MRPL16: variants seen among roughly 807,000 people sequenced by gnomAD.
MRPL16 encodes mitochondrial ribosomal protein L16.
In MRPL16, 17 loss-of-function variants were observed where a neutral mutation model predicts 22.7. That is an observed-to-expected ratio of 0.75 (90% CI 0.51 to 1.12). The LOEUF is 1.12. Among genes scored for constraint, MRPL16 ranks in the 50% most tolerant of loss-of-function variants. The probability of loss-of-function intolerance (pLI) is 0.00; values close to 1 mark genes in which losing one functional copy is unlikely to be tolerated. For missense variants in MRPL16, 316 were observed against 328.7 expected (o/e 0.96, Z 0.30); for synonymous variants, 103 against 112.8 (o/e 0.91, Z 0.55).
intron 3 of MRPL16, 139 bp downstream of exon 3, chr11:59,807,562 G>T: frequency 1.1e-6 from 1 of 920,392 alleles, no homozygotes; most frequent in Non-Finnish European, 1.6e-6. Flanking sequence ...AGTAGCCTCT[G>T]TACATACCAG....
chr11:59,810,600 T>A lies in MRPL16; in HGVS notation c.55+4A>T. Reference sequence around the variant, plus strand: ...GTCTTTAGGAACCAAAAGGGACTTCTGACCTGACAAGGGCACCCGCAGGAG... The same window carrying A: ...GTCTTTAGGAACCAAAAGGGACTTCAGACCTGACAAGGGCACCCGCAGGAG... On this transcript the variant is annotated splice_donor_region_variant and intron_variant, in intron 1 of 3. Transcript: ENST00000300151. The A allele has an allele frequency of 1.2e-6, 2 of 1,614,150 alleles. No individual in the cohort carries two copies. The highest frequency in any genetic ancestry group is 4.5e-5 in the East Asian group (2 of 44,874).
intron 1 of MRPL16, 73 bp downstream of exon 1, chr11:59,810,531 T>G: frequency 6.2e-7 from 1 of 1,600,930 alleles, no homozygotes; most frequent in Non-Finnish European, 8.5e-7. Context: ...CCTTTTGGGT[T>G]AGGGAGAAAA....
chr11:59,806,737 C>T lies in MRPL16; in HGVS notation c.366G>A (p.Trp122Ter), dbSNP rs2135065048. The change falls in exon 4 of 4, where the codon TGG becomes TGA. Residue 122 changes from tryptophan (W) to a stop codon, truncating the protein, a stop_gained. Coordinates refer to ENST00000300151, the MANE Select transcript of MRPL16 (RefSeq NM_017840.4). LOFTEE classifies it high-confidence loss of function. ...SMDPKNMFAIWRVPAPFKPIT... is the reference protein window; with the variant it reads ...SMDPKNMFAI ...TGGGCTTGAAAGGGGCTGGTACTCG[C>T]CATATGGCAAACATGTTCTTGGGGT... 6.2e-7 allele frequency: 1 copy of T among 1,614,206 alleles called. No individual in the cohort carries two copies. Among genetic ancestry groups the T allele is most frequent in the East Asian group, 2.2e-5 (1 of 44,880 alleles).
intron 1 of MRPL16, chr11:59,810,215 GC>G: frequency 3.1e-6 from 3 of 969,406 alleles, no homozygotes; most frequent in East Asian, 4.7e-5. Flanking sequence ...CACCATGTTG[GC>G]CAGGCTGGTT....
chr11:59,810,712 G>A lies in MRPL16; in HGVS notation c.-54C>T, dbSNP rs533458293. The A allele has an allele frequency of 5.8e-4, 934 of 1,606,394 alleles. 17 individuals carry two copies. In the South Asian group the frequency reaches 6.8e-3, roughly 12 times the overall value. ...CCCCCAGCGACTCCGGCTGTCTCCT[G>A]CACCCAGGTAAGCAGCGGCGCTCCA... is the stretch of plus-strand genomic sequence containing the variant. On this transcript the variant is annotated 5_prime_UTR_variant, in exon 1 of 4. Coordinates refer to ENST00000300151, the MANE Select transcript of MRPL16 (RefSeq NM_017840.4).
chr11:59,810,154 C>T, intron 1 of MRPL16: 1 of 655,514 alleles, frequency 1.5e-6, no homozygotes, highest in Non-Finnish European at 2.3e-6. Context: ...TACAGTCGCC[C>T]ACCACCACGC....
chr11:59,810,436 C>A, intron 1 of MRPL16, 168 bp downstream of exon 1: 1 of 1,443,036 alleles, frequency 6.9e-7, no homozygotes, highest in Non-Finnish European at 9.1e-7. Context: ...CAGCTGTGAC[C>A]CTCTTGCACG....
intron 1 of MRPL16, 25 bp downstream of exon 1, chr11:59,810,579 T>G: frequency 6.2e-7 from 1 of 1,613,864 alleles, no homozygotes; most frequent in Non-Finnish European, 8.5e-7. Context: ...GGTAAAGTCT[T>G]TAGGAACCAA....
chr11:59,809,907 G>C lies in MRPL16; in HGVS notation c.69C>G (p.Leu23=), dbSNP rs1286590867. The C allele has an allele frequency of 6.2e-7, 1 of 1,613,250 alleles. No individual in the cohort carries two copies. ...TCTTTACGCCAGCACTGGCGGGGAG[G>C]AGTGCCCAGGAATCTACAAAGACAA... is the stretch of plus-strand genomic sequence containing the variant. ...LRVPLSDSWA[L]LPASAGVKTL... is the part of the protein sequence containing the mutation. The change falls in exon 2 of 4, where the codon CTC becomes CTG. Residue 23 remains leucine (L), a synonymous_variant. Coordinates refer to ENST00000300151, the MANE Select transcript of MRPL16 (RefSeq NM_017840.4).
In MRPL16 at chr11:59,806,548, G is replaced by A. The variant is rs767802950; in HGVS notation, c.555C>T (p.Phe185=). ...FLDQVAHKLP[F]AAKAVSRGTL... ...TCCCGCGGCTCACAGCCTTTGCTGC[G>A]AAGGGCAACTTGTGGGCAACCTGGT... Residue 185 remains phenylalanine, a synonymous_variant, in exon 4 of 4, where the codon TTC becomes TTT. Coordinates refer to ENST00000300151, the MANE Select transcript of MRPL16 (RefSeq NM_017840.4). 6.5e-5 allele frequency: 105 copies of A among 1,614,208 alleles called. No individual in the cohort carries two copies. Among genetic ancestry groups the A allele is most frequent in the Middle Eastern group, 1.6e-4 (1 of 6,062 alleles).
In MRPL16 at chr11:59,810,557, G is replaced by A. The variant is rs201609470; in HGVS notation, c.55+47C>T. On this transcript the variant is annotated intron_variant, in intron 1 of 3. Coordinates refer to ENST00000300151, the MANE Select transcript of MRPL16 (RefSeq NM_017840.4). Reference sequence around the variant, plus strand: ...AGGGAGAAAAAGCACTGGAGGGTGGGGGAGGAAGAGGGGTAAAGTCTTTAG... The same window carrying A: ...AGGGAGAAAAAGCACTGGAGGGTGGAGGAGGAAGAGGGGTAAAGTCTTTAG... The A allele has an allele frequency of 2.5e-6, 4 of 1,611,696 alleles. No homozygotes were observed. In the African/African-American group the frequency reaches 4.0e-5, roughly 16 times the overall value.
At chr11:59,808,410 A>C (rs1487979851) in intron 2 of MRPL16, among the ~76,000 whole-genome samples, 2 of 152,224 alleles carry the variant, frequency 1.3e-5, no homozygotes, top group Non-Finnish European at 1.5e-5. Context: ...CAAAGGGCCA[A>C]ATTAAAAATA....
rs200606366 is a variant in MRPL16 at position 59,809,889 on chromosome 11, G to A, written c.87C>T (p.Gly29=). ...DSWALLPASA[G]VKTLLPVPSF... is the part of the protein sequence containing the mutation. ...TTGGTACTGGGAGCAGTGTCTTTAC[G>A]CCAGCACTGGCGGGGAGGAGTGCCC... is the stretch of plus-strand genomic sequence containing the variant. The change falls in exon 2 of 4, where the codon GGC becomes GGT. Residue 29 remains glycine, a synonymous_variant. Coordinates refer to ENST00000300151, the MANE Select transcript of MRPL16 (RefSeq NM_017840.4). 1 of 1,613,412 alleles carries A rather than the reference G, an allele frequency of 6.2e-7. No homozygotes were observed. The highest frequency in any genetic ancestry group is 2.2e-5 in the East Asian group (1 of 44,858).
Position 59,810,426 on chromosome 11 carries a change from C to G in MRPL16, c.55+178G>C. On this transcript the variant is annotated intron_variant, in intron 1 of 3. Coordinates refer to ENST00000300151, the MANE Select transcript of MRPL16 (RefSeq NM_017840.4). ...ATCTCTGGGCGCCGACTCCCAGACG[C>G]AGCTGTGACCCTCTTGCACGAACCC... 6 of 1,423,704 alleles carry G rather than the reference C, an allele frequency of 4.2e-6. No individual in the cohort carries two copies. The South Asian group carries it at 9.1e-5, about 22-fold the overall frequency. The allele number at this position is 1,423,704 out of a possible 1,614,324, so 88.2% of individuals were successfully genotyped here. A position where few individuals can be genotyped will look rare whatever the true frequency, so the allele number is the denominator to read the frequency against.
chr11:59,806,873 G>T, intron 3 of MRPL16, 41 bp from the exon 4 acceptor site: 1 of 1,581,484 alleles, frequency 6.3e-7, no homozygotes, highest in Non-Finnish European at 8.6e-7. Flanking sequence ...TGCGGACTTC[G>T]ACATCATCTA....
In MRPL16 at chr11:59,807,798, A is replaced by G. The variant is rs761580614; in HGVS notation, c.173T>C (p.Leu58Pro). 5.0e-6 allele frequency: 8 copies of G among 1,613,268 alleles called. 1 individual carries two copies. The South Asian group carries it at 5.5e-5, about 11-fold the overall frequency. ...PKLRFIERAP[L>P]VPKVRREPKN... ...AGGTTCTCTTCTTACTTTTGGCACA[A>G]GTGGTGCCCTTTCAATAAATCTAAG... is the stretch of plus-strand genomic sequence containing the variant. The change falls in exon 3 of 4, where the codon CTT becomes CCT. Residue 58 changes from leucine to proline, a missense_variant. Coordinates refer to ENST00000300151, the MANE Select transcript of MRPL16 (RefSeq NM_017840.4).
intron 2 of MRPL16, chr11:59,808,690 T>C (rs1178234505): frequency 1.3e-5 from 2 of 152,194 alleles, no homozygotes; most frequent in Non-Finnish European, 2.9e-5. Flanking sequence ...CATAAAAATA[T>C]CTAAGTTCTC....
Position 59,806,465 on chromosome 11 carries a change from C to T in MRPL16, c.638G>A (p.Trp213Ter), listed in dbSNP as rs763321061. 3 of 1,614,216 alleles carry T rather than the reference C, an allele frequency of 1.9e-6. No individual in the cohort carries two copies. The highest frequency in any genetic ancestry group is 2.2e-5 in the South Asian group (2 of 91,092). The change falls in exon 4 of 4, where the codon TGG (tryptophan) becomes TAG (stop). Residue 213 changes from tryptophan to a stop codon, truncating the protein, a stop_gained. Coordinates refer to ENST00000300151, the MANE Select transcript of MRPL16 (RefSeq NM_017840.4). LOFTEE classifies it high-confidence loss of function. ...EERERNNQNP[W>*]TFERIATANM... is the part of the protein sequence containing the mutation. Reference sequence around the variant, plus strand: ...GGCAGTGGCTATTCGCTCAAATGTCCAGGGGTTCTGGTTGTTACGTTCTCT... The same window carrying T: ...GGCAGTGGCTATTCGCTCAAATGTCTAGGGGTTCTGGTTGTTACGTTCTCT...
At chr11:59,810,293 G>A in intron 1 of MRPL16, 1 of 1,272,970 alleles carries the variant, frequency 7.9e-7, no homozygotes, top group Non-Finnish European at 9.9e-7. Context: ...AAAGGCGTGA[G>A]CCACCGCGCC....
Sources: allele counts gnomAD v4.1 joint callset (sites outside exome capture counted in the v4.1 genomes callset), GRCh38; gene constraint gnomAD v4.1.1; transcripts MANE v1.5; gene names NCBI Gene and HGNC (gene_info 2026-07-23, HGNC 2026-07-21).